Variants in PRKG1 observed in about 807,000 individuals in gnomAD.
PRKG1 encodes protein kinase cGMP-dependent 1.
In PRKG1, 35 loss-of-function variants were observed where a neutral mutation model predicts 88.1. The ratio of observed to expected loss-of-function variants is 0.40; its 90% CI spans 0.30 to 0.53. The LOEUF (loss-of-function observed/expected upper bound fraction) is 0.53, where lower values mean the gene tolerates loss of function less well. Among genes scored for constraint, PRKG1 ranks in the 20% least tolerant of loss-of-function variants. The probability of loss-of-function intolerance (pLI) is 0.59; values close to 1 mark genes in which losing one functional copy is unlikely to be tolerated. For synonymous variants in PRKG1, 303 were observed against 292.5 expected, an observed-to-expected ratio of 1.04 and a Z score of -0.37; for missense variants, 540 against 839.8, an observed-to-expected ratio of 0.64 and a Z score of 4.41.
At chr10:52,011,831 G>T (rs1483960927) in intron 5 of PRKG1, among the ~76,000 whole-genome samples, 2 of 152,076 alleles carry the variant, frequency 1.3e-5, no homozygotes, top group African/African-American at 2.4e-5. Context: ...GAATCATGGG[G>T]GCAGGTCTTA....
intron 3 of PRKG1, among the ~76,000 whole-genome samples, chr10:51,565,948 A>G (rs1236328619): frequency 6.6e-6 from 1 of 152,114 alleles, no homozygotes; most frequent in Non-Finnish European, 1.5e-5. Context: ...GAACTTATTT[A>G]TTATATGTCT....
chr10:51,627,036 C>T (rs1839354241), intron 3 of PRKG1, among the ~76,000 whole-genome samples: 2 of 152,012 alleles, frequency 1.3e-5, no homozygotes, highest in Admixed American at 1.3e-4. Flanking sequence ...TCTAACAAAC[C>T]AACTGACAGT....
Position 51,387,870 on chromosome 10 carries a change from T to C in PRKG1, c.479-79853T>C, listed in dbSNP as rs1209617221. On this transcript the variant is annotated intron_variant, in intron 2 of 17. Coordinates refer to ENST00000373980, the MANE Select transcript of PRKG1 (RefSeq NM_006258.4). ...GTTTTCTAAAAGTGACTGCTGCTAC[T>C]GATATATTTTATTATTAATAATAAA... Among the ~76,000 whole-genome samples the C allele has an allele frequency of 6.6e-5, 10 of 152,326 alleles. No homozygotes were observed. The East Asian group carries it at 1.7e-3, about 26-fold the overall frequency.
chr10:51,203,702 T>A lies in PRKG1; in HGVS notation c.478+50372T>A, dbSNP rs56049934. Among the ~76,000 whole-genome samples the A allele has an allele frequency of 4.8e-3, 727 of 152,298 alleles. 14 individuals carry two copies. Among genetic ancestry groups the A allele is most frequent in the African/African-American group, 0.017 (689 of 41,558 alleles). Reference sequence around the variant, plus strand: ...TATCTTAAGCTCTCTAGGCCTCAGTTTTCAAATCTGTAAGGCAATATTTTC... The same window carrying A: ...TATCTTAAGCTCTCTAGGCCTCAGTATTCAAATCTGTAAGGCAATATTTTC... On this transcript the variant is annotated intron_variant, in intron 2 of 17. Coordinates refer to ENST00000373980, the MANE Select transcript of PRKG1 (RefSeq NM_006258.4).
At chr10:51,601,231 C>T (rs1484634670) in intron 3 of PRKG1, among the ~76,000 whole-genome samples, 1 of 152,090 alleles carries the variant, frequency 6.6e-6, no homozygotes, top group Non-Finnish European at 1.5e-5. Context: ...AGATTAGCTA[C>T]TCCCCATATA....
chr10:52,263,868 G>C (rs1225553506), intron 10 of PRKG1, among the ~76,000 whole-genome samples: 2 of 152,006 alleles, frequency 1.3e-5, no homozygotes, highest in East Asian at 1.9e-4. Flanking sequence ...ACCATACCTG[G>C]CCTGTCATCT....
intron 2 of PRKG1, among the ~76,000 whole-genome samples, chr10:51,274,038 T>C (rs1320678022): frequency 6.6e-6 from 1 of 152,210 alleles, no homozygotes; most frequent in African/African-American, 2.4e-5. Flanking sequence ...CCCAAGTTTG[T>C]TGTGAGCTTT....
chr10:52,105,918 A>G (rs1847409869), intron 7 of PRKG1, among the ~76,000 whole-genome samples: 1 of 151,734 alleles, frequency 6.6e-6, no homozygotes, highest in Non-Finnish European at 1.5e-5. Flanking sequence ...TGCACCCATC[A>G]CTCAAGCAGT....
chr10:51,478,580 T>C (rs1840267102), intron 3 of PRKG1, among the ~76,000 whole-genome samples: 1 of 152,110 alleles, frequency 6.6e-6, no homozygotes, highest in Non-Finnish European at 1.5e-5. Flanking sequence ...TCCCTAAAAC[T>C]GTAGTGAACC....
chr10:51,213,356 AC>A (rs1292826553), intron 2 of PRKG1, among the ~76,000 whole-genome samples: 1 of 152,192 alleles, frequency 6.6e-6, no homozygotes, highest in Non-Finnish European at 1.5e-5. Context: ...TAGGAGATAT[AC>A]CTAATGCTAA....
intron 2 of PRKG1, among the ~76,000 whole-genome samples, chr10:51,364,214 A>T (rs535187242): frequency 6.6e-6 from 1 of 151,950 alleles, no homozygotes; most frequent in African/African-American, 2.4e-5. Context: ...CTGGATCTTC[A>T]CTCTATCCAC....
chr10:52,194,311 A>T (rs1198591746), intron 9 of PRKG1, among the ~76,000 whole-genome samples: 1 of 152,160 alleles, frequency 6.6e-6, no homozygotes, highest in Non-Finnish European at 1.5e-5. Flanking sequence ...CCTAATAAAA[A>T]ACAACCCTGT....
chr10:52,272,942 G>T (rs1406473), intron 12 of PRKG1, among the ~76,000 whole-genome samples: 20,806 of 151,792 alleles, frequency 0.14, 2,083 homozygotes, highest in African/African-American at 0.26. Flanking sequence ...ACCTTTACAT[G>T]GCTCTTTGGT....
At chr10:51,438,520 A>G (rs1003025632) in intron 2 of PRKG1, among the ~76,000 whole-genome samples, 2 of 151,872 alleles carry the variant, frequency 1.3e-5, no homozygotes, top group African/African-American at 4.8e-5. Flanking sequence ...TATTTTACAG[A>G]AGGTTCTTCA....
chr10:51,018,816 G>A (rs1843100030), intron 1 of PRKG1, among the ~76,000 whole-genome samples: 1 of 152,134 alleles, frequency 6.6e-6, no homozygotes, highest in Admixed American at 6.5e-5. Flanking sequence ...GAGTACAGTG[G>A]GCTACAGAAG....
intron 7 of PRKG1, among the ~76,000 whole-genome samples, chr10:52,082,184 GA>G (rs1016512441): frequency 6.6e-6 from 1 of 152,058 alleles, no homozygotes; most frequent in Non-Finnish European, 1.5e-5. Flanking sequence ...AGTATCGAAA[GA>G]ACAGCAGCAC....
intron 5 of PRKG1, among the ~76,000 whole-genome samples, chr10:51,914,921 A>AAAT (rs1842305457): frequency 6.6e-6 from 1 of 152,226 alleles, no homozygotes; most frequent in South Asian, 2.1e-4. Flanking sequence ...AAAGACAAAA[A>AAAT]AATAGGCAAA....
At chr10:51,752,123 A>G (rs185649822) in intron 3 of PRKG1, among the ~76,000 whole-genome samples, 7 of 151,960 alleles carry the variant, frequency 4.6e-5, no homozygotes, top group Admixed American at 3.9e-4. Context: ...TTTCCATATC[A>G]TTTGCCCCCT....
In PRKG1 at chr10:51,239,637, A is replaced by G. The variant is rs565042837; in HGVS notation, c.478+86307A>G. Among the ~76,000 whole-genome samples, 97 of 152,300 alleles carry G rather than the reference A, an allele frequency of 6.4e-4. 1 individual carries two copies. The highest frequency in any genetic ancestry group is 6.2e-3 in the South Asian group (30 of 4,826). On this transcript the variant is annotated intron_variant, in intron 2 of 17. Transcript: ENST00000373980. ...CTAGACAGATCTGCAGTGGAGAAAC[A>G]AGGAGCTAAGGGTGAAATTCTTGCA...
Sources: allele counts gnomAD v4.1 joint callset (sites outside exome capture counted in the v4.1 genomes callset), GRCh38; gene constraint gnomAD v4.1.1; transcripts MANE v1.5; gene names NCBI Gene and HGNC (gene_info 2026-07-23, HGNC 2026-07-21).